Variants in CAVIN1 observed in about 807,000 individuals in gnomAD.
The protein encoded by CAVIN1 is caveolae-associated protein 1.
CAVIN1 carries 16 observed loss-of-function variants against 24.0 expected under a neutral mutation model. The ratio of observed to expected loss-of-function variants is 0.67; its 90% CI spans 0.45 to 1.01. The LOEUF is 1.01. Among genes scored for constraint, CAVIN1 ranks in the 50% least tolerant of loss-of-function variants. The pLI, the probability that CAVIN1 is intolerant of heterozygous loss-of-function variation, is 0.00. For synonymous variants in CAVIN1, 256 were observed against 256.4 expected, an observed-to-expected ratio of 1.00 and a Z score of 0.02; for missense variants, 510 against 551.7, an observed-to-expected ratio of 0.92 and a Z score of 0.76.
intron 1 of CAVIN1, among the ~76,000 whole-genome samples, chr17:42,418,286 C>T (rs2085524366): frequency 6.9e-6 from 1 of 144,422 alleles, no homozygotes; most frequent in Admixed American, 7.1e-5. Flanking sequence ...GGCTGGAGTG[C>T]AATGGTGCGA....
At chr17:42,406,217 C>T (rs1216764540) in intron 1 of CAVIN1, among the ~76,000 whole-genome samples, 1 of 152,100 alleles carries the variant, frequency 6.6e-6, no homozygotes, top group Non-Finnish European at 1.5e-5. Flanking sequence ...GGCGGAGCGC[C>T]CTCTGGTGCC....
chr17:42,405,532 G>A, intron 1 of CAVIN1, 144 bp from the exon 2 acceptor site: 3 of 824,720 alleles, frequency 3.6e-6, no homozygotes, highest in Non-Finnish European at 6.1e-6. Context: ...CAATAAATGT[G>A]TGTAGGCTCA....
chr17:42,415,816 C>A (rs919699170), intron 1 of CAVIN1, among the ~76,000 whole-genome samples: 101 of 149,786 alleles, frequency 6.7e-4, no homozygotes, highest in East Asian at 1.2e-3. Flanking sequence ...GTTATATTTC[C>A]AAAAAAAAAT....
Position 42,423,235 on chromosome 17 carries a change from C to T in CAVIN1, c.-138G>A, listed in dbSNP as rs2085569824. 1 of 706,162 alleles carries T rather than the reference C, an allele frequency of 1.4e-6. No homozygotes were observed. Among genetic ancestry groups the T allele is most frequent in the South Asian group, 1.9e-5 (1 of 52,166 alleles). 43.7% of individuals were successfully genotyped at this position (706,162 alleles called of 1,614,324 possible). A position where few individuals can be genotyped will look rare whatever the true frequency, so the allele number is the denominator to read the frequency against. On this transcript the variant is annotated 5_prime_UTR_variant, in exon 1 of 2. Transcript: ENST00000357037. ...AGGAAACTCGAGCCACGTCCGTGCG[C>T]ACCGGGACAGCGGCCAGAACTGCTG...
intron 1 of CAVIN1, among the ~76,000 whole-genome samples, chr17:42,419,286 T>C (rs1239438253): frequency 6.7e-6 from 1 of 150,344 alleles, no homozygotes; most frequent in Non-Finnish European, 1.5e-5. Flanking sequence ...CTGCATGGCA[T>C]TTTATTTTAT....
chr17:42,410,953 C>A (rs2085472547), intron 1 of CAVIN1, among the ~76,000 whole-genome samples: 1 of 140,948 alleles, frequency 7.1e-6, no homozygotes, highest in Admixed American at 7.2e-5. Context: ...GGGGTGGTGG[C>A]TCATGCCTGT....
chr17:42,421,784 C>T (rs1373489405), intron 1 of CAVIN1, among the ~76,000 whole-genome samples: 2 of 152,118 alleles, frequency 1.3e-5, no homozygotes, highest in African/African-American at 2.4e-5. Context: ...CTGCGCCTGG[C>T]CCCCGCCCCC....
rs2085431942 is a variant in CAVIN1 at position 42,404,776 on chromosome 17, G to C, written c.1084C>G (p.Arg362Gly). Residue 362 changes from arginine to glycine, a missense_variant, in exon 2 of 2, where the codon CGG becomes GGG. Coordinates refer to ENST00000357037, the MANE Select transcript of CAVIN1 (RefSeq NM_012232.6). ...TGCACGTCGGGGCTGCTCCCGCGCC[G>C]CAGGTCGCCGGCCTCCCCGCGCTCC... ...GAERGEAGDL[R>G]RGSSPDVHAL... is the part of the protein sequence containing the mutation. The C allele has an allele frequency of 6.3e-7, 1 of 1,584,986 alleles. No individual in the cohort carries two copies. The highest frequency in any genetic ancestry group is 8.6e-7 in the Non-Finnish European group (1 of 1,167,078).
chr17:42,413,565 GGAAAAAAAAAAAAAAAA>G (rs1567779241), intron 1 of CAVIN1, among the ~76,000 whole-genome samples: 96 of 62,606 alleles, frequency 1.5e-3, no homozygotes, highest in South Asian at 5.1e-3. Flanking sequence ...TCTCAAAAAG[GGAAAAAAAAAAAAAAAA>G]AAAAAAAAAA....
intron 1 of CAVIN1, among the ~76,000 whole-genome samples, chr17:42,418,914 G>A (rs1188946549): frequency 1.3e-5 from 2 of 152,164 alleles, no homozygotes; most frequent in African/African-American, 4.8e-5. Context: ...CAAACTGGAT[G>A]CACGTGGTAG....
At position 42,423,143 on chromosome 17, in the gene CAVIN1, G is replaced by A. The variant is rs915380482; in HGVS notation, c.-46C>T. 1.4e-5 allele frequency: 20 copies of A among 1,411,880 alleles called. No individual in the cohort carries two copies. The Admixed American group carries it at 1.9e-4, about 14-fold the overall frequency. The allele number at this position is 1,411,880 out of a possible 1,614,324, so 87.5% of individuals were successfully genotyped here. ...GACCGGCCGGGTGGGGCTGGAGCTG[G>A]AGCGGGAGACCCGGAGAGAAGCAGG... is the stretch of plus-strand genomic sequence containing the variant. On this transcript the variant is annotated 5_prime_UTR_variant, in exon 1 of 2. Transcript: ENST00000357037.
At chr17:42,415,980 G>A (rs540254859) in intron 1 of CAVIN1, among the ~76,000 whole-genome samples, 2 of 152,220 alleles carry the variant, frequency 1.3e-5, no homozygotes, top group Non-Finnish European at 2.9e-5. Flanking sequence ...CGTGGCTCAC[G>A]CCTGTAACCC....
intron 1 of CAVIN1, among the ~76,000 whole-genome samples, chr17:42,406,479 A>G (rs2085447485): frequency 1.3e-5 from 2 of 151,834 alleles, no homozygotes; most frequent in African/African-American, 4.8e-5. Context: ...GGTTCAAGCA[A>G]TTCTCCTGCC....
At position 42,405,279 on chromosome 17, in the gene CAVIN1, T is replaced by C; in HGVS notation, c.581A>G (p.Glu194Gly). The C allele has an allele frequency of 6.2e-7, 1 of 1,613,012 alleles. No homozygotes were observed. Among genetic ancestry groups the C allele is most frequent in the East Asian group, 2.2e-5 (1 of 44,860 alleles). The change falls in exon 2 of 2, where the codon GAG (glutamate) becomes GGG (glycine). Residue 194 changes from glutamate to glycine, a missense_variant. Transcript: ENST00000357037. The part of the protein sequence containing the change: ...EELGEGERPE[E>G]DAAALELSSD... ...CGAAAGCTCCAGCGCCGCTGCGTCC[T>C]CCTCGGGCCGCTCGCCCTCGCCCAG...
intron 1 of CAVIN1, among the ~76,000 whole-genome samples, chr17:42,416,730 T>G (rs1200378665): frequency 2.6e-5 from 4 of 151,730 alleles, no homozygotes; most frequent in Non-Finnish European, 4.4e-5. Flanking sequence ...AAACTCAGTT[T>G]GGGAGGAAGG....
At chr17:42,420,428 T>C (rs2085538579) in intron 1 of CAVIN1, among the ~76,000 whole-genome samples, 2 of 152,212 alleles carry the variant, frequency 1.3e-5, no homozygotes, top group African/African-American at 4.8e-5. Flanking sequence ...AAGTTCTGCT[T>C]TCCCAAGCCT....
intron 1 of CAVIN1, among the ~76,000 whole-genome samples, chr17:42,422,089 G>A (rs544026679): frequency 6.6e-6 from 1 of 152,226 alleles, no homozygotes; most frequent in African/African-American, 2.4e-5. Flanking sequence ...GTTGGCGGTC[G>A]CGTTCCCCGC....
In CAVIN1 at chr17:42,423,157, G is replaced by A. The variant is rs1333528744; in HGVS notation, c.-60C>T. On this transcript the variant is annotated 5_prime_UTR_variant, in exon 1 of 2. Transcript: ENST00000357037. The stretch of plus-strand genomic sequence containing the variant: ...GGCTGGAGCTGGAGCGGGAGACCCG[G>A]AGAGAAGCAGGAGCGGAAGGGAGGA... 2.6e-5 allele frequency: 35 copies of A among 1,333,322 alleles called. No individual in the cohort carries two copies. Among genetic ancestry groups the A allele is most frequent in the Non-Finnish European group, 3.6e-5 (35 of 981,690 alleles). The allele number at this position is 1,333,322 out of a possible 1,614,324, so 82.6% of individuals were successfully genotyped here. A position where few individuals can be genotyped will look rare whatever the true frequency, so the allele number is the denominator to read the frequency against.
At chr17:42,406,180 G>C (rs999481254) in intron 1 of CAVIN1, among the ~76,000 whole-genome samples, 1 of 152,054 alleles carries the variant, frequency 6.6e-6, no homozygotes, top group Admixed American at 6.6e-5. Context: ...TACGGCCCTC[G>C]GGAGACACAG....
Sources: allele counts gnomAD v4.1 joint callset (sites outside exome capture counted in the v4.1 genomes callset), GRCh38; gene constraint gnomAD v4.1.1; transcripts MANE v1.5; gene names NCBI Gene and HGNC (gene_info 2026-07-23, HGNC 2026-07-21).